Variants in OOEP observed in about 807,000 individuals in gnomAD.
The protein encoded by OOEP is oocyte expressed protein.
In OOEP, 16 loss-of-function variants were observed where a neutral mutation model predicts 13.7. The observed-to-expected ratio is 1.16, with a 90% CI of 0.79 to 1.77. The LOEUF is 1.77. Ranked by LOEUF, OOEP falls within the 40% of genes most tolerant of loss-of-function variation. OOEP has a pLI of 0.00. For missense variants in OOEP, 195 were observed against 193.1 expected (o/e 1.01, Z -0.06); for synonymous variants, 89 against 77.1 (o/e 1.15, Z -0.81).
At chr6:73,388,067 A>G (rs183048867) in intron 2 of OOEP, among the ~76,000 whole-genome samples, 2 of 152,282 alleles carry the variant, frequency 1.3e-5, no homozygotes, top group East Asian at 3.9e-4. Context: ...CAGTAGAGAC[A>G]GATTTCGCCA....
intron 2 of OOEP, among the ~76,000 whole-genome samples, chr6:73,378,226 T>C (rs887711648): frequency 1.3e-5 from 2 of 151,636 alleles, no homozygotes; most frequent in African/African-American, 4.8e-5. Flanking sequence ...CCTCAGCCTC[T>C]AGAGTAGCTG....
intron 2 of OOEP, among the ~76,000 whole-genome samples, chr6:73,377,365 G>A (rs1769150450): frequency 6.6e-6 from 1 of 152,232 alleles, no homozygotes; most frequent in Admixed American, 6.5e-5. Context: ...AGCAATAGGG[G>A]TGAGTAGTTT....
At chr6:73,370,496 C>T (rs1383054110), upstream of OOEP, among the ~76,000 whole-genome samples, 1 of 152,144 alleles carries the variant, frequency 6.6e-6, no homozygotes, top group Admixed American at 6.5e-5. Flanking sequence ...AAAGGTTTCA[C>T]ACATCCAAAA....
chr6:73,393,874 T>C (rs1582632188), intron 2 of OOEP, among the ~76,000 whole-genome samples: 1 of 152,116 alleles, frequency 6.6e-6, no homozygotes, highest in African/African-American at 2.4e-5. Flanking sequence ...GAGCAATGAA[T>C]GTCTCTCAAG....
In OOEP at chr6:73,380,739, A is replaced by T. The variant is rs1202956162; in HGVS notation, c.26-11354T>A. Among the ~76,000 whole-genome samples, 3 of 152,192 alleles carry T rather than the reference A, an allele frequency of 2.0e-5. No homozygotes were observed. The East Asian group carries it at 5.8e-4, about 29-fold the overall frequency. On this transcript the variant is annotated intron_variant, in intron 2 of 3. Coordinates refer to the OOEP transcript ENST00000370363. ...TTTGTTTTTAAAGAGGACTTTAGAG[A>T]TCTAGACACCAAATATGATTAGTCT...
At chr6:73,394,563 G>A in intron 1 of OOEP, 2 of 534,136 alleles carry the variant, frequency 3.7e-6, no homozygotes, top group Non-Finnish European at 6.6e-6. Flanking sequence ...CAGTAGGGGA[G>A]GGAGCAAATT....
chr6:73,393,114 AATTTTT>A (rs1015345069), intron 2 of OOEP, among the ~76,000 whole-genome samples: 1 of 150,384 alleles, frequency 6.6e-6, no homozygotes, highest in Non-Finnish European at 1.5e-5. Context: ...AAAAAAAAAA[AATTTTT>A]TTTTTTTGAG....
At chr6:73,381,205 T>TAAAAAAAAAAAAAAA (rs66507015) in intron 2 of OOEP, among the ~76,000 whole-genome samples, 4 of 100,990 alleles carry the variant, frequency 4.0e-5, no homozygotes, top group East Asian at 2.8e-4. Flanking sequence ...AAAAAAGTGT[T>TAAAAAAAAAAAAAAA]AAAAAAAAAA....
chr6:73,371,235 T>C (rs975747680), upstream of OOEP, among the ~76,000 whole-genome samples: 15 of 152,196 alleles, frequency 9.9e-5, no homozygotes, highest in African/African-American at 3.6e-4. Context: ...CTGAGAAAAC[T>C]TGACTATCAG....
rs70994194 is a variant in OOEP, at chr6:73,376,344, G to GTTTTTTTTTTT, written c.26-6970_26-6960dup. Among the ~76,000 whole-genome samples the GTTTTTTTTTTT allele has an allele frequency of 3.6e-3, 370 of 103,494 alleles. 28 individuals carry two copies. Among genetic ancestry groups the GTTTTTTTTTTT allele is most frequent in the African/African-American group, 6.5e-3 (165 of 25,240 alleles). The allele number at this position is 103,494 out of a possible 152,430, so 67.9% of individuals were successfully genotyped here. A position where few individuals can be genotyped will look rare whatever the true frequency, so the allele number is the denominator to read the frequency against. On this transcript the variant is annotated intron_variant, in intron 2 of 3. Transcript: ENST00000370363. ...TCGCAGCTGTTTTGGACAAGGGGTT[G>GTTTTTTTTTTT]TTTTTTTTTTTTTTTTTTTTTTTTT...
chr6:73,393,003 A>C (rs1042880689), intron 2 of OOEP, among the ~76,000 whole-genome samples: 5 of 151,626 alleles, frequency 3.3e-5, no homozygotes, highest in Admixed American at 1.3e-4. Context: ...CCAGACCTCA[A>C]GTGATCTGCC....
upstream of OOEP, among the ~76,000 whole-genome samples, chr6:73,370,677 T>G (rs1769035471): frequency 6.6e-6 from 1 of 152,236 alleles, no homozygotes; most frequent in Non-Finnish European, 1.5e-5. Context: ...CCCATGCATG[T>G]CCTTACACAT....
chr6:73,382,071 A>G (rs1205128954), intron 2 of OOEP, among the ~76,000 whole-genome samples: 1 of 152,130 alleles, frequency 6.6e-6, no homozygotes, highest in East Asian at 1.9e-4. Flanking sequence ...TTTTTGAGAT[A>G]GGGATTTGCT....
intron 2 of OOEP, among the ~76,000 whole-genome samples, chr6:73,376,344 GTTTTTTTTTTTTTTTTTT>G (rs70994194): frequency 9.7e-6 from 1 of 103,558 alleles, no homozygotes; most frequent in Non-Finnish European, 1.9e-5. Flanking sequence ...ACAAGGGGTT[GTTTTTTTTTTTTTTTTTT>G]TTTTTTTTTT....
chr6:73,386,977 G>GA (rs1169476638), intron 2 of OOEP, among the ~76,000 whole-genome samples: 7,055 of 30,968 alleles, frequency 0.23, 1,990 homozygotes, highest in Non-Finnish European at 0.28. Context: ...TTCCATCTCA[G>GA]AAAAAAAAAA....
chr6:73,387,175 C>T, intron 2 of OOEP, among the ~76,000 whole-genome samples: 1 of 151,450 alleles, frequency 6.6e-6, no homozygotes, highest in Non-Finnish European at 1.5e-5. Context: ...ATTAGTAAGT[C>T]AGAGTCCATC....
chr6:73,369,313 G>C lies in OOEP; in HGVS notation c.263C>G (p.Ser88Ter). Residue 88 changes from serine to a stop codon, truncating the protein, a stop_gained, in exon 2 of 3, where the codon TCA (serine) becomes TGA (stop). Coordinates refer to ENST00000370359, the MANE Select transcript of OOEP (RefSeq NM_001080507.3). LOFTEE classifies it high-confidence loss of function. ...QALLTVDIVD[S>*]GNLVEITVFG... ...AACGGTGATTTCGACTAGGTTCCCT[G>C]AGTCCACTATGTCCACTGTCAGCAG... The C allele has an allele frequency of 1.2e-6, 2 of 1,613,866 alleles. No individual in the cohort carries two copies. The highest frequency in any genetic ancestry group is 2.7e-5 in the African/African-American group (2 of 75,014).
intron 2 of OOEP, chr6:73,394,314 G>C: frequency 1.4e-6 from 1 of 714,952 alleles, no homozygotes; most frequent in Admixed American, 2.0e-5. Flanking sequence ...TTTTTTATGT[G>C]TGGATTGGGT....
At chr6:73,384,085 G>T (rs900986412) in intron 2 of OOEP, among the ~76,000 whole-genome samples, 10 of 152,138 alleles carry the variant, frequency 6.6e-5, no homozygotes, top group African/African-American at 2.4e-4. Context: ...AACAGAGTGA[G>T]ACCCTGTCTC....
Sources: gnomAD v4.1 joint callset for allele counts (sites outside exome capture counted in the v4.1 genomes callset) on GRCh38, gnomAD v4.1.1 for gene constraint, MANE v1.5 for transcripts, NCBI Gene and HGNC (gene_info 2026-07-23, HGNC 2026-07-21) for gene names.